Variants in FBXL7 observed in about 807,000 individuals in gnomAD.
FBXL7 encodes the protein F-box/LRR-repeat protein 7.
A neutral mutation model predicts 38.3 loss-of-function variants in FBXL7; 12 were observed. The ratio of observed to expected loss-of-function variants is 0.31; its 90% CI spans 0.20 to 0.51. FBXL7 has a LOEUF of 0.51. Among genes scored for constraint, FBXL7 ranks in the 20% least tolerant of loss-of-function variants. FBXL7 has a pLI of 0.98. For missense variants in FBXL7, 567 were observed against 676.4 expected, an observed-to-expected ratio of 0.84 and a Z score of 1.79; for synonymous variants, 297 against 300.9, an observed-to-expected ratio of 0.99 and a Z score of 0.13.
At chr5:15,794,859 G>T (rs969103316) in intron 2 of FBXL7, among the ~76,000 whole-genome samples, 4 of 152,116 alleles carry the variant, frequency 2.6e-5, no homozygotes, top group African/African-American at 9.7e-5. Context: ...CAACACAAAA[G>T]GTTTTTCCTC....
At chr5:15,836,054 C>G (rs1235935958) in intron 2 of FBXL7, among the ~76,000 whole-genome samples, 1 of 152,118 alleles carries the variant, frequency 6.6e-6, no homozygotes, top group East Asian at 1.9e-4. Context: ...TGCTTTTTTA[C>G]TCATTCAAAA....
chr5:15,575,547 A>G (rs951290073), intron 1 of FBXL7, among the ~76,000 whole-genome samples: 1 of 152,176 alleles, frequency 6.6e-6, no homozygotes. Flanking sequence ...ATTTTAGATT[A>G]GATGTTCCCA....
At chr5:15,873,992 C>G (rs574240525) in intron 2 of FBXL7, among the ~76,000 whole-genome samples, 69 of 152,270 alleles carry the variant, frequency 4.5e-4, no homozygotes, top group Admixed American at 8.5e-4. Context: ...GCCAATATCC[C>G]TGATGAAGAT....
intron 2 of FBXL7, among the ~76,000 whole-genome samples, chr5:15,633,710 C>T (rs1166408311): frequency 5.3e-5 from 8 of 150,542 alleles, no homozygotes; most frequent in Non-Finnish European, 1.0e-4. Flanking sequence ...GCCTGACCTT[C>T]TGGAACTTTT....
At chr5:15,548,768 G>T (rs1385170529) in intron 1 of FBXL7, among the ~76,000 whole-genome samples, 3 of 152,188 alleles carry the variant, frequency 2.0e-5, no homozygotes, top group Non-Finnish European at 4.4e-5. Context: ...CATGTAAGAG[G>T]TGGGTAGGGA....
intron 2 of FBXL7, among the ~76,000 whole-genome samples, chr5:15,764,180 C>A (rs556609650): frequency 5.3e-5 from 8 of 152,138 alleles, no homozygotes; most frequent in Non-Finnish European, 8.8e-5. Context: ...GATTGAGTAT[C>A]AATATGTTGT....
chr5:15,554,879 G>A (rs1041387982), intron 1 of FBXL7, among the ~76,000 whole-genome samples: 1 of 152,234 alleles, frequency 6.6e-6, no homozygotes, highest in East Asian at 1.9e-4. Context: ...AGTATCTGGT[G>A]CCTAGCAGGT....
At chr5:15,568,965 C>G (rs942714346) in intron 1 of FBXL7, among the ~76,000 whole-genome samples, 16 of 152,108 alleles carry the variant, frequency 1.1e-4, no homozygotes, top group African/African-American at 3.9e-4. Flanking sequence ...GTTTTGGTAC[C>G]AGTACCCTGC....
chr5:15,725,860 TTA>T (rs992554171), intron 2 of FBXL7, among the ~76,000 whole-genome samples: 1 of 152,060 alleles, frequency 6.6e-6, no homozygotes, highest in African/African-American at 2.4e-5. Flanking sequence ...CTGTAGATTG[TTA>T]TTTCTGTGTT....
chr5:15,524,362 G>T (rs573464496), intron 1 of FBXL7, among the ~76,000 whole-genome samples: 27 of 151,934 alleles, frequency 1.8e-4, no homozygotes, highest in Non-Finnish European at 2.4e-4. Flanking sequence ...AACTTCTTGG[G>T]GGGGCTGAAG....
intron 2 of FBXL7, among the ~76,000 whole-genome samples, chr5:15,865,141 C>G (rs1188834393): frequency 2.0e-5 from 3 of 152,318 alleles, no homozygotes; most frequent in African/African-American, 7.2e-5. Flanking sequence ...CCATCTCTGG[C>G]TCCAAACATC....
chr5:15,913,657 A>G (rs1025547112), intron 2 of FBXL7, among the ~76,000 whole-genome samples: 6 of 152,250 alleles, frequency 3.9e-5, no homozygotes, highest in Admixed American at 1.3e-4. Flanking sequence ...TGGGGAAATG[A>G]GACTAAAGAA....
chr5:15,739,830 A>G (rs1014799468), intron 2 of FBXL7, among the ~76,000 whole-genome samples: 9 of 152,182 alleles, frequency 5.9e-5, no homozygotes, highest in Admixed American at 2.0e-4. Flanking sequence ...TATTACTGCT[A>G]CGAACATTTG....
intron 1 of FBXL7, among the ~76,000 whole-genome samples, chr5:15,570,565 C>G (rs565105336): frequency 2.6e-5 from 4 of 152,178 alleles, no homozygotes; most frequent in East Asian, 3.9e-4. Context: ...ATACAACGAG[C>G]AAGTCTAAGA....
intron 2 of FBXL7, among the ~76,000 whole-genome samples, chr5:15,661,411 T>C (rs1253522226): frequency 6.6e-6 from 1 of 152,166 alleles, no homozygotes; most frequent in Non-Finnish European, 1.5e-5. Flanking sequence ...TCCTTATGGT[T>C]AGCTAAAACT....
chr5:15,876,478 C>T (rs1056308496), intron 2 of FBXL7, among the ~76,000 whole-genome samples: 1 of 151,920 alleles, frequency 6.6e-6, no homozygotes, highest in Non-Finnish European at 1.5e-5. Context: ...GAAAATATGA[C>T]ATTTTAGTTG....
At chr5:15,830,282 G>C (rs1023445963) in intron 2 of FBXL7, among the ~76,000 whole-genome samples, 1 of 152,042 alleles carries the variant, frequency 6.6e-6, no homozygotes, top group African/African-American at 2.4e-5. Context: ...TCAGGAGTTC[G>C]AGACCAGCCT....
chr5:15,635,089 C>T (rs1741138994), intron 2 of FBXL7, among the ~76,000 whole-genome samples: 1 of 152,094 alleles, frequency 6.6e-6, no homozygotes, highest in African/African-American at 2.4e-5. Flanking sequence ...AAATAGCAGC[C>T]ATTGGATTAT....
At chr5:15,696,620 T>C (rs1362839444) in intron 2 of FBXL7, among the ~76,000 whole-genome samples, 2 of 152,206 alleles carry the variant, frequency 1.3e-5, no homozygotes, top group Non-Finnish European at 2.9e-5. Context: ...TTCCTCACTA[T>C]TGGAGGTTTA....
Sources: allele counts gnomAD v4.1 joint callset (sites outside exome capture counted in the v4.1 genomes callset), GRCh38; gene constraint gnomAD v4.1.1; transcripts MANE v1.5; gene names NCBI Gene and HGNC (gene_info 2026-07-23, HGNC 2026-07-21).